The following ACTR10 variants were observed in gnomAD, a reference collection of about 807,000 sequenced individuals.
ACTR10 encodes actin-related protein 10.
A neutral mutation model predicts 56.2 loss-of-function variants in ACTR10; 43 were observed. The ratio of observed to expected loss-of-function variants is 0.77; its 90% CI spans 0.60 to 0.99. The LOEUF is 0.99. ACTR10 is among the 50% of genes least tolerant of loss of function. The probability of loss-of-function intolerance (pLI) is 0.00; values close to 1 mark genes in which losing one functional copy is unlikely to be tolerated. For synonymous variants in ACTR10, 170 were observed against 176.3 expected (o/e 0.96, Z 0.28); for missense variants, 466 against 507.8 (o/e 0.92, Z 0.79).
At chr14:58,230,069 TTTCTC>T (rs763498930) in intron 10 of ACTR10, among the ~76,000 whole-genome samples, 4 of 152,108 alleles carry the variant, frequency 2.6e-5, no homozygotes, top group Admixed American at 2.0e-4. Context: ...TACTATTTCT[TTTCTC>T]TTATTAGGTT....
At position 58,229,609 on chromosome 14, in the gene ACTR10, C is replaced by T. The variant is rs949270306; in HGVS notation, c.789-790C>T. On this transcript the variant is annotated intron_variant, in intron 10 of 12. Coordinates refer to ENST00000254286, the MANE Select transcript of ACTR10 (RefSeq NM_018477.3). The stretch of plus-strand genomic sequence containing the variant: ...AGGAGAATGGCGTGAATCCAGGAGG[C>T]GGAGCTTGCAGTGAGCCGAGATCAC... Among the ~76,000 whole-genome samples the T allele has an allele frequency of 4.7e-5, 7 of 147,814 alleles. 1 individual carries two copies. The highest frequency in any genetic ancestry group is 4.2e-4 in the South Asian group (2 of 4,734).
At chr14:58,224,725 G>A (rs1420395294) in intron 10 of ACTR10, among the ~76,000 whole-genome samples, 3 of 152,072 alleles carry the variant, frequency 2.0e-5, no homozygotes, top group South Asian at 2.1e-4. Context: ...AGGCTTGGCC[G>A]GGCGCAGTGG....
At chr14:58,219,633 A>G (rs1190659712) in intron 7 of ACTR10, 61 bp from the exon 8 acceptor site, 6 of 1,112,976 alleles carry the variant, frequency 5.4e-6, no homozygotes, top group Non-Finnish European at 7.4e-6. Context: ...TGTGAAGGCA[A>G]TTTAATAGAC....
rs760517306 is a variant in ACTR10, at chr14:58,213,653, T to A, written c.473T>A (p.Leu158Gln). Residue 158 changes from leucine to glutamine, a missense_variant, in exon 6 of 13, where the codon CTA (leucine) becomes CAA (glutamine). Coordinates refer to ENST00000254286, the MANE Select transcript of ACTR10 (RefSeq NM_018477.3). ...VLPIYEGIPV[L>Q]NCWGALPLGG... ...TAGATATATGAAGGAATCCCAGTTC[T>A]AAATTGTTGGGGAGCACTACCCCTA... 1.9e-6 allele frequency: 3 copies of A among 1,612,430 alleles called. No homozygotes were observed. Among genetic ancestry groups the A allele is most frequent in the Non-Finnish European group, 2.5e-6 (3 of 1,178,886 alleles).
rs1304046296 is a variant in ACTR10, at chr14:58,235,421, G to T, written c.*870G>T. 6.6e-6 allele frequency: 1 copy of T among 151,816 alleles called. No individual in the cohort carries two copies. The highest frequency in any genetic ancestry group is 1.5e-5 in the Non-Finnish European group (1 of 67,956). 9.4% of individuals were successfully genotyped at this position (151,816 alleles called of 1,614,324 possible). ...GAAATGTTCACTTTTTAACTTTACA[G>T]TTTTTTTAATGAGCAATTCTACATT... On this transcript the variant is annotated 3_prime_UTR_variant, in exon 13 of 13. Transcript: ENST00000254286.
At chr14:58,205,561 C>T (rs1270069876) in intron 2 of ACTR10, among the ~76,000 whole-genome samples, 4 of 152,046 alleles carry the variant, frequency 2.6e-5, no homozygotes, top group Non-Finnish European at 4.4e-5. Flanking sequence ...GTGATCCGCC[C>T]GCCTTGGCTT....
chr14:58,209,042 G>C lies in ACTR10; in HGVS notation c.277G>C (p.Glu93Gln), dbSNP rs200649605. 3.2e-5 allele frequency: 51 copies of C among 1,612,434 alleles called. No individual in the cohort carries two copies. The highest frequency in any genetic ancestry group is 4.1e-5 in the Non-Finnish European group (48 of 1,179,228). The change falls in exon 4 of 13, where the codon GAA (glutamate) becomes CAA (glutamine). Residue 93 changes from glutamate to glutamine, a missense_variant. Glu to Gln is a conservative substitution (Grantham distance 29). Coordinates refer to ENST00000254286, the MANE Select transcript of ACTR10 (RefSeq NM_018477.3). Reference sequence around the variant, plus strand: ...CAGAGACCGCCGAGTTGTGATTATCGAATCGGTATTATGTCCTTCTCACTT... The same window carrying C: ...CAGAGACCGCCGAGTTGTGATTATCCAATCGGTATTATGTCCTTCTCACTT... Reference protein sequence around the residue: ...NPRDRRVVIIESVLCPSHFRE... With the variant: ...NPRDRRVVIIQSVLCPSHFRE...
Position 58,231,370 on chromosome 14 carries a change from A to G in ACTR10, c.871-696A>G, listed in dbSNP as rs543751531. ...GTGACATGTGCATTCTTTTAAGACC[A>G]GGGACCAGATTTTTATTTTGTACCT... On this transcript the variant is annotated intron_variant, in intron 11 of 12. Coordinates refer to ENST00000254286, the MANE Select transcript of ACTR10 (RefSeq NM_018477.3). Among the ~76,000 whole-genome samples, 12 of 152,300 alleles carry G rather than the reference A, an allele frequency of 7.9e-5. No homozygotes were observed. In the East Asian group the frequency reaches 1.9e-3, roughly 25 times the overall value.
rs1428746832 is a variant in ACTR10, at chr14:58,234,449, A to G, written c.1152A>G (p.Ile384Met). Reference sequence around the variant, plus strand: ...AATATTATAATCAGACGGGCCGTATACCTGATTGGTGTTCTCTCAATAACC... The same window carrying G: ...AATATTATAATCAGACGGGCCGTATGCCTGATTGGTGTTCTCTCAATAACC... ...SKEYYNQTGR[I>M]PDWCSLNNPP... The change falls in exon 13 of 13, where the codon ATA (isoleucine) becomes ATG (methionine). Residue 384 changes from isoleucine (I) to methionine (M), a missense_variant. Transcript: ENST00000254286. 11 of 1,613,570 alleles carry G rather than the reference A, an allele frequency of 6.8e-6. No homozygotes were observed. The highest frequency in any genetic ancestry group is 9.3e-6 in the Non-Finnish European group (11 of 1,179,776).
rs1888991252 is a variant in ACTR10 at position 58,211,403 on chromosome 14, T to A, written c.450+4T>A. On this transcript the variant is annotated splice_donor_region_variant and intron_variant, in intron 5 of 12. Coordinates refer to ENST00000254286, the MANE Select transcript of ACTR10 (RefSeq NM_018477.3). The stretch of plus-strand genomic sequence containing the variant: ...TAGGGAAAGCCTGGTGTTACCCATA[T>A]CTTTTTTGTCAGCCAGCCACCTTTG... 3 of 1,604,636 alleles carry A rather than the reference T, an allele frequency of 1.9e-6. No homozygotes were observed. Among genetic ancestry groups the A allele is most frequent in the Non-Finnish European group, 2.6e-6 (3 of 1,172,874 alleles).
intron 10 of ACTR10, among the ~76,000 whole-genome samples, chr14:58,228,431 C>A (rs1889451815): frequency 6.6e-6 from 1 of 152,030 alleles, no homozygotes; most frequent in African/African-American, 2.4e-5. Flanking sequence ...CCAGCCTGGC[C>A]AACATGGCAA....
At chr14:58,222,927 A>T in intron 8 of ACTR10, among the ~76,000 whole-genome samples, 1 of 152,130 alleles carries the variant, frequency 6.6e-6, no homozygotes, top group East Asian at 1.9e-4. Flanking sequence ...AATCTGGTTT[A>T]AAGAAATATG....
At position 58,211,544 on chromosome 14, in the gene ACTR10, C is replaced by A. The variant is rs929868100; in HGVS notation, c.450+145C>A. ...TGAATTACAATGTGGAAAAAGTTCA[C>A]AGGATTATAAGACTTAAGTTTACTT... On this transcript the variant is annotated intron_variant, in intron 5 of 12. Transcript: ENST00000254286. The A allele has an allele frequency of 1.1e-4, 63 of 584,282 alleles. No homozygotes were observed. In the East Asian group the frequency reaches 1.7e-3, roughly 16 times the overall value. The allele number at this position is 584,282 out of a possible 1,614,324, so 36.2% of individuals were successfully genotyped here.
At chr14:58,203,002 G>A (rs1888764081) in intron 2 of ACTR10, 75 bp downstream of exon 2, 2 of 1,078,976 alleles carry the variant, frequency 1.9e-6, no homozygotes, top group South Asian at 2.7e-5. Flanking sequence ...AAGTAAGATT[G>A]ATTAAAACAG....
At chr14:58,200,609 C>A (rs946138449) in intron 1 of ACTR10, among the ~76,000 whole-genome samples, 2 of 152,178 alleles carry the variant, frequency 1.3e-5, no homozygotes, top group African/African-American at 2.4e-5. Flanking sequence ...GTGACCTAGA[C>A]CCCGCTTACC....
intron 7 of ACTR10, among the ~76,000 whole-genome samples, chr14:58,217,802 G>A (rs1263227300): frequency 6.6e-6 from 1 of 152,090 alleles, no homozygotes; most frequent in African/African-American, 2.4e-5. Flanking sequence ...CTTTCATTTA[G>A]TGTTTAGAAC....
At chr14:58,215,584 C>G (rs1388979822) in intron 7 of ACTR10, among the ~76,000 whole-genome samples, 1 of 151,812 alleles carries the variant, frequency 6.6e-6, no homozygotes, top group East Asian at 1.9e-4. Context: ...CCAAATATTC[C>G]TCTGGTTTCC....
chr14:58,226,318 T>G (rs1189217027), intron 10 of ACTR10, among the ~76,000 whole-genome samples: 1 of 151,296 alleles, frequency 6.6e-6, no homozygotes, highest in African/African-American at 2.4e-5. Context: ...CTCACTGTGC[T>G]GCCCAGTTGG....
chr14:58,205,558 G>A (rs1478109117), intron 2 of ACTR10, among the ~76,000 whole-genome samples: 4 of 151,912 alleles, frequency 2.6e-5, no homozygotes, highest in African/African-American at 9.7e-5. Context: ...CTCGTGATCC[G>A]CCCGCCTTGG....
Sources: allele counts gnomAD v4.1 joint callset (sites outside exome capture counted in the v4.1 genomes callset), GRCh38; gene constraint gnomAD v4.1.1; transcripts MANE v1.5; gene names NCBI Gene and HGNC (gene_info 2026-07-23, HGNC 2026-07-21).